Variants in ASIC2 observed in about 807,000 individuals in gnomAD.
The protein encoded by ASIC2 is acid-sensing ion channel 2.
A neutral mutation model predicts 57.3 loss-of-function variants in ASIC2; 25 were observed. That is an observed-to-expected ratio of 0.44 (90% CI 0.32 to 0.61). ASIC2 has a LOEUF of 0.61. ASIC2 is among the 20% of genes least tolerant of loss of function. ASIC2 has a pLI of 0.06. For synonymous variants in ASIC2, 319 were observed against 307.5 expected (o/e 1.04, Z -0.39); for missense variants, 641 against 738.1 (o/e 0.87, Z 1.52).
chr17:33,954,445 C>T (rs1319469722), intron 1 of ASIC2, among the ~76,000 whole-genome samples: 2 of 152,210 alleles, frequency 1.3e-5, no homozygotes, highest in African/African-American at 2.4e-5. Context: ...AGCTCCCAAT[C>T]CCACCTGGGG....
chr17:34,050,383 A>G (rs972701130), intron 1 of ASIC2, among the ~76,000 whole-genome samples: 3 of 151,976 alleles, frequency 2.0e-5, no homozygotes, highest in African/African-American at 7.3e-5. Flanking sequence ...TGGCAAAAAG[A>G]CCTGCTTCTC....
At chr17:33,625,450 A>C (rs34536103) in intron 1 of ASIC2, among the ~76,000 whole-genome samples, 2,703 of 152,172 alleles carry the variant, frequency 0.018, 82 homozygotes, top group African/African-American at 0.06. Flanking sequence ...GCCCTAACCA[A>C]CAGCCTAACT....
chr17:34,122,080 T>A (rs1598037224), intron 1 of ASIC2, among the ~76,000 whole-genome samples: 1 of 152,208 alleles, frequency 6.6e-6, no homozygotes, highest in South Asian at 2.1e-4. Context: ...ATGGTTGTTA[T>A]CTTTTATTTA....
intron 1 of ASIC2, among the ~76,000 whole-genome samples, chr17:34,138,494 G>A (rs1268647750): frequency 6.6e-6 from 1 of 152,192 alleles, no homozygotes; most frequent in Admixed American, 6.5e-5. Context: ...AAGTGCCAGG[G>A]AAGAGACAAG....
At chr17:33,420,449 C>T (rs1398230600) in intron 1 of ASIC2, among the ~76,000 whole-genome samples, 1 of 152,146 alleles carries the variant, frequency 6.6e-6, no homozygotes, top group African/African-American at 2.4e-5. Flanking sequence ...CACAGAATTC[C>T]AGTTGGAGAG....
chr17:33,615,025 A>G (rs1905551898), intron 1 of ASIC2, among the ~76,000 whole-genome samples: 1 of 152,212 alleles, frequency 6.6e-6, no homozygotes, highest in Admixed American at 6.5e-5. Context: ...AGAGCCATAT[A>G]GGTTCTTACT....
intron 1 of ASIC2, among the ~76,000 whole-genome samples, chr17:33,994,250 A>G (rs1906086769): frequency 6.6e-6 from 1 of 152,184 alleles, no homozygotes; most frequent in Non-Finnish European, 1.5e-5. Context: ...GACTATGGGT[A>G]AGTTTCCCAA....
chr17:33,462,865 C>T (rs528739341), intron 1 of ASIC2, among the ~76,000 whole-genome samples: 165 of 152,236 alleles, frequency 1.1e-3, no homozygotes, highest in South Asian at 8.3e-4. Context: ...TTCTACTTTG[C>T]GGCTAGATGT....
intron 1 of ASIC2, chr17:33,569,029 G>A (rs1916342890): frequency 6.6e-6 from 1 of 152,220 alleles, no homozygotes; most frequent in African/African-American, 2.4e-5. Context: ...GTTATGGACT[G>A]TTCAACTCAC....
At chr17:33,661,009 C>T (rs1597825362) in intron 1 of ASIC2, among the ~76,000 whole-genome samples, 1 of 152,132 alleles carries the variant, frequency 6.6e-6, no homozygotes, top group Non-Finnish European at 1.5e-5. Context: ...CTTCACTATC[C>T]GGTCTGTTGG....
chr17:34,000,116 TCTG>T, intron 1 of ASIC2, among the ~76,000 whole-genome samples: 1 of 152,076 alleles, frequency 6.6e-6, no homozygotes, highest in East Asian at 1.9e-4. Context: ...CTTCAAGTTT[TCTG>T]CTAAGAAATC....
intron 1 of ASIC2, among the ~76,000 whole-genome samples, chr17:33,536,788 C>G (rs1227790095): frequency 6.6e-6 from 1 of 152,176 alleles, no homozygotes. Flanking sequence ...AGGTGGATTA[C>G]TTGAGCCAAG....
At chr17:33,856,468 G>GTGGTGA (rs1913935391) in intron 1 of ASIC2, among the ~76,000 whole-genome samples, 1 of 152,108 alleles carries the variant, frequency 6.6e-6, no homozygotes, top group African/African-American at 2.4e-5. Context: ...CTTATCAGTA[G>GTGGTGA]TAGTGGTGGT....
At chr17:33,703,364 T>C (rs1279442468) in intron 1 of ASIC2, among the ~76,000 whole-genome samples, 1 of 151,852 alleles carries the variant, frequency 6.6e-6, no homozygotes, top group East Asian at 1.9e-4. Context: ...GTTGTTGTTG[T>C]TGAGACAAGG....
intron 1 of ASIC2, among the ~76,000 whole-genome samples, chr17:33,877,195 C>T (rs1039970924): frequency 2.2e-4 from 33 of 152,304 alleles, no homozygotes; most frequent in African/African-American, 5.5e-4. Context: ...GCGTGAGCAA[C>T]GCAGAAGATG....
chr17:33,164,576 GCA>G (rs35380225), intron 1 of ASIC2, among the ~76,000 whole-genome samples: 11,352 of 149,772 alleles, frequency 0.076, 476 homozygotes, highest in East Asian at 0.12. Context: ...GCACATGCAC[GCA>G]CACACACACA....
chr17:33,254,785 A>G (rs1025702198), intron 1 of ASIC2, among the ~76,000 whole-genome samples: 2 of 152,206 alleles, frequency 1.3e-5, no homozygotes, highest in African/African-American at 4.8e-5. Context: ...TAGTAAGTCA[A>G]GAAAGCAGGA....
intron 1 of ASIC2, among the ~76,000 whole-genome samples, chr17:33,861,582 C>T (rs1914102910): frequency 6.6e-6 from 1 of 152,148 alleles, no homozygotes. Context: ...TTATGTAATG[C>T]ATTAAATTTT....
At chr17:33,693,960 T>C (rs776954222) in intron 1 of ASIC2, among the ~76,000 whole-genome samples, 53 of 152,174 alleles carry the variant, frequency 3.5e-4, no homozygotes, top group Non-Finnish European at 7.2e-4. Context: ...TGTTTGCACG[T>C]TTTTAAGAAC....
Sources: allele counts gnomAD v4.1 joint callset (sites outside exome capture counted in the v4.1 genomes callset), GRCh38; gene constraint gnomAD v4.1.1; transcripts MANE v1.5; gene names NCBI Gene and HGNC (gene_info 2026-07-23, HGNC 2026-07-21).